The following SLC25A13 variants were observed in gnomAD, a reference collection of about 807,000 sequenced individuals.
The protein encoded by SLC25A13 is solute carrier family 25 member 13.
In SLC25A13, 70 loss-of-function variants were observed where a neutral mutation model predicts 85.5. That is an observed-to-expected ratio of 0.82 (90% CI 0.68 to 1.00). The LOEUF (loss-of-function observed/expected upper bound fraction) is 1.00. SLC25A13 is among the 50% of genes least tolerant of loss of function. SLC25A13 has a pLI of 0.00. For missense variants in SLC25A13, 765 were observed against 819.8 expected, an observed-to-expected ratio of 0.93 and a Z score of 0.82; for synonymous variants, 259 against 288.7, an observed-to-expected ratio of 0.90 and a Z score of 1.04.
intron 4 of SLC25A13, among the ~76,000 whole-genome samples, chr7:96,224,520 C>T (rs1461174381): frequency 1.3e-5 from 2 of 152,116 alleles, no homozygotes; most frequent in Non-Finnish European, 2.9e-5. Flanking sequence ...TCACCCTTCC[C>T]TATCGTCCTG....
At chr7:96,235,729 T>C (rs1219873209) in intron 3 of SLC25A13, among the ~76,000 whole-genome samples, 1 of 152,086 alleles carries the variant, frequency 6.6e-6, no homozygotes, top group Non-Finnish European at 1.5e-5. Flanking sequence ...AAAATAAGAT[T>C]AGAAATATAG....
At chr7:96,214,062 G>C (rs1795796411) in intron 4 of SLC25A13, among the ~76,000 whole-genome samples, 1 of 152,110 alleles carries the variant, frequency 6.6e-6, no homozygotes, top group Non-Finnish European at 1.5e-5. Flanking sequence ...TAAGCTCAAG[G>C]TTCCTTTTAC....
chr7:96,146,474 T>C (rs895181126), intron 14 of SLC25A13, 82 bp downstream of exon 14: 1 of 1,546,826 alleles, frequency 6.5e-7, no homozygotes, highest in Non-Finnish European at 8.8e-7. Flanking sequence ...CAAAAAAAAA[T>C]GGATTTCATG....
At chr7:96,291,821 A>G (rs921841277) in intron 2 of SLC25A13, among the ~76,000 whole-genome samples, 1 of 152,198 alleles carries the variant, frequency 6.6e-6, no homozygotes. Context: ...AGGACCAGAC[A>G]GATTCACAGC....
At chr7:96,234,300 T>G (rs776129783) in intron 4 of SLC25A13, among the ~76,000 whole-genome samples, 1 of 152,148 alleles carries the variant, frequency 6.6e-6, no homozygotes, top group Non-Finnish European at 1.5e-5. Flanking sequence ...AGCAGTCAGG[T>G]CGGGGGAGCG....
intron 5 of SLC25A13, among the ~76,000 whole-genome samples, chr7:96,207,495 T>C (rs1254903451): frequency 6.6e-6 from 1 of 152,072 alleles, no homozygotes. Flanking sequence ...ACATTTCTAG[T>C]AACAAAGAAT....
intron 2 of SLC25A13, chr7:96,283,657 C>T: frequency 3.4e-6 from 1 of 291,812 alleles, no homozygotes; most frequent in Middle Eastern, 1.2e-3. Flanking sequence ...ACTCTAAGAG[C>T]TGAGATAGCT....
intron 1 of SLC25A13, among the ~76,000 whole-genome samples, chr7:96,319,412 C>T (rs555280972): frequency 7.6e-4 from 116 of 151,964 alleles, no homozygotes; most frequent in African/African-American, 2.6e-3. Context: ...TGTGGTGGCA[C>T]GTGCCTGTAG....
At chr7:96,306,185 T>C (rs922196298) in intron 1 of SLC25A13, among the ~76,000 whole-genome samples, 1 of 152,172 alleles carries the variant, frequency 6.6e-6, no homozygotes, top group Non-Finnish European at 1.5e-5. Flanking sequence ...AAATCTATGA[T>C]TTCAGCCATT....
At chr7:96,265,393 T>C (rs1054989362) in intron 3 of SLC25A13, among the ~76,000 whole-genome samples, 1 of 152,156 alleles carries the variant, frequency 6.6e-6, no homozygotes, top group Non-Finnish European at 1.5e-5. Context: ...AGATGAAACA[T>C]GAAAATTTTA....
intron 1 of SLC25A13, among the ~76,000 whole-genome samples, chr7:96,312,564 T>C (rs146874461): frequency 6.6e-6 from 1 of 152,334 alleles, no homozygotes; most frequent in African/African-American, 2.4e-5. Context: ...CTGAAGACTT[T>C]GAGCTTCTTG....
chr7:96,248,907 T>G (rs1797308501), intron 3 of SLC25A13, among the ~76,000 whole-genome samples: 1 of 152,214 alleles, frequency 6.6e-6, no homozygotes, highest in South Asian at 2.1e-4. Context: ...TTCTACAATT[T>G]CAAATAAAAT....
intron 2 of SLC25A13, among the ~76,000 whole-genome samples, chr7:96,294,469 C>T (rs774317571): frequency 1.3e-5 from 2 of 151,790 alleles, no homozygotes; most frequent in Non-Finnish European, 2.9e-5. Flanking sequence ...ATTAACTAGG[C>T]GTGGTGGTAC....
At chr7:96,311,834 T>A (rs918075501) in intron 1 of SLC25A13, among the ~76,000 whole-genome samples, 1 of 152,180 alleles carries the variant, frequency 6.6e-6, no homozygotes, top group Non-Finnish European at 1.5e-5. Flanking sequence ...CATTTCTGTC[T>A]CTGACTGACC....
chr7:96,168,098 GAAAAAAAAAAAAAAAAAAA>G (rs543491037), intron 13 of SLC25A13, among the ~76,000 whole-genome samples: 3 of 19,694 alleles, frequency 1.5e-4, no homozygotes, highest in African/African-American at 3.2e-4. Flanking sequence ...AACTCTGTCT[GAAAAAAAAAAAAAAAAAAA>G]AAAAAAAAAA....
chr7:96,163,407 G>A lies in SLC25A13; in HGVS notation c.1311+6638C>T, dbSNP rs1251282104. Reference sequence around the variant, plus strand: ...ATCTATCCCGGTTGACCCTTCAGATGAGTCTGGCCCCAGCTGCCACTAGCC... The same window carrying A: ...ATCTATCCCGGTTGACCCTTCAGATAAGTCTGGCCCCAGCTGCCACTAGCC... On this transcript the variant is annotated intron_variant, in intron 13 of 17. Transcript: ENST00000265631. Among the ~76,000 whole-genome samples, 4 of 152,168 alleles carry A rather than the reference G, an allele frequency of 2.6e-5. No individual in the cohort carries two copies. In the East Asian group the frequency reaches 5.8e-4, roughly 22 times the overall value.
chr7:96,182,942 T>C (rs1203526184), intron 11 of SLC25A13, among the ~76,000 whole-genome samples: 1 of 152,190 alleles, frequency 6.6e-6, no homozygotes. Context: ...ACCACCCATA[T>C]GGACAGGTAA....
intron 3 of SLC25A13, among the ~76,000 whole-genome samples, chr7:96,273,267 G>A (rs1219708667): frequency 7.2e-5 from 11 of 152,224 alleles, no homozygotes; most frequent in Non-Finnish European, 1.5e-5. Flanking sequence ...TTTCTGTTCT[G>A]TTTTAGAGTA....
In SLC25A13 at chr7:96,281,184, C is replaced by G. The variant is rs144162640; in HGVS notation, c.70-3846G>C. Among the ~76,000 whole-genome samples, 4 of 151,910 alleles carry G rather than the reference C, an allele frequency of 2.6e-5. No homozygotes were observed. In the East Asian group the frequency reaches 7.7e-4, roughly 29 times the overall value. On this transcript the variant is annotated intron_variant, in intron 2 of 17. Transcript: ENST00000265631. ...GGCAGGTGGATCACCTAAGGTCAGG[C>G]GCTTGAGACCAGCCTGGCCAACATG... is the stretch of plus-strand genomic sequence containing the variant.
Sources: allele counts gnomAD v4.1 joint callset (sites outside exome capture counted in the v4.1 genomes callset), GRCh38; gene constraint gnomAD v4.1.1; transcripts MANE v1.5; gene names NCBI Gene and HGNC (gene_info 2026-07-23, HGNC 2026-07-21).